Variants in TTC39A observed in about 807,000 individuals in gnomAD.
The protein encoded by TTC39A is tetratricopeptide repeat protein 39A.
A neutral mutation model predicts 82.3 loss-of-function variants in TTC39A; 46 were observed. The ratio of observed to expected loss-of-function variants is 0.56; its 90% CI spans 0.44 to 0.71. The LOEUF (loss-of-function observed/expected upper bound fraction) is 0.71. Ranked by LOEUF, TTC39A falls within the 30% of genes least tolerant of loss-of-function variation. The pLI is 0.00. For missense variants in TTC39A, 543 were observed against 712.9 expected, an observed-to-expected ratio of 0.76 and a Z score of 2.71; for synonymous variants, 254 against 275.2, an observed-to-expected ratio of 0.92 and a Z score of 0.76.
chr1:51,330,613 C>A (rs888496513), upstream of TTC39A: 1 of 982,944 alleles, frequency 1.0e-6, no homozygotes, highest in Non-Finnish European at 1.2e-6. This position sits in a 1 kb window ranked among gnomAD's most constrained non-coding sequence, Gnocchi z 4.5. Context: ...GCGGGGAAGG[C>A]GGCGGGGCCG....
chr1:51,337,758 A>C (rs2148320755), intron 1 of TTC39A, among the ~76,000 whole-genome samples: 1 of 152,088 alleles, frequency 6.6e-6, no homozygotes, highest in South Asian at 2.1e-4. Flanking sequence ...CCCTGCCTCC[A>C]TCCTCCCAGT....
intron 2 of TTC39A, among the ~76,000 whole-genome samples, chr1:51,320,549 A>T (rs1159095868): frequency 6.7e-6 from 1 of 150,012 alleles, no homozygotes; most frequent in Non-Finnish European, 1.5e-5. Context: ...TCAGCCTCCC[A>T]AGTAGCTGAG....
At chr1:51,342,506 G>A (rs143407438) in intron 1 of TTC39A, among the ~76,000 whole-genome samples, 1,817 of 152,268 alleles carry the variant, frequency 0.012, 147 homozygotes, top group Admixed American at 0.11. Flanking sequence ...GTAAGTAAGC[G>A]GCAGAGCAGG....
chr1:51,321,912 C>A lies in TTC39A; in HGVS notation c.42-87G>T. ...GGAACAGAGCCTCACAGGGTCTACT[C>A]AGCCTCCCTGGCCAGCCTTGGGTGC... On this transcript the variant is annotated intron_variant, in intron 1 of 17. Coordinates refer to ENST00000680483, the MANE Select transcript of TTC39A (RefSeq NM_001297663.2). The surrounding 1 kb of genome is among the most constrained non-coding windows in gnomAD (Gnocchi z 4.6). The A allele has an allele frequency of 7.1e-7, 1 of 1,417,782 alleles. No homozygotes were observed. The highest frequency in any genetic ancestry group is 2.5e-5 in the East Asian group (1 of 40,360). The allele number at this position is 1,417,782 out of a possible 1,614,324, so 87.8% of individuals were successfully genotyped here. A position where few individuals can be genotyped will look rare whatever the true frequency, so the allele number is the denominator to read the frequency against.
At chr1:51,322,974 C>T (rs1036189884) in intron 1 of TTC39A, among the ~76,000 whole-genome samples, 1 of 152,212 alleles carries the variant, frequency 6.6e-6, no homozygotes, top group Non-Finnish European at 1.5e-5. Flanking sequence ...GTTCATTCTC[C>T]CAATCTGTTC....
intron 1 of TTC39A, among the ~76,000 whole-genome samples, chr1:51,325,387 C>T (rs1482161441): frequency 6.6e-6 from 1 of 152,212 alleles, no homozygotes; most frequent in Non-Finnish European, 1.5e-5. Context: ...CCCTGCCCCT[C>T]TCTTCAGAGG....
At position 51,311,310 on chromosome 1, in the gene TTC39A, C is replaced by A. The variant is rs761954664; in HGVS notation, c.367G>T (p.Ala123Ser). 1 of 1,580,322 alleles carries A rather than the reference C, an allele frequency of 6.3e-7. No homozygotes were observed. ...LGQFTEEEIH[A>S]EVCYAECLLQ... is the part of the protein sequence containing the mutation. The stretch of plus-strand genomic sequence containing the variant: ...AGGCACTCTGCATAGCAGACCTCAG[C>A]GTGGATTTCCTCTGTGGGGAGAAAA... The change falls in exon 5 of 18, where the codon GCT becomes TCT. Residue 123 changes from alanine (A) to serine (S), a missense_variant. Physicochemically the swap from Ala to Ser is moderately conservative, Grantham distance 99 (BLOSUM62 1). Coordinates refer to ENST00000680483, the MANE Select transcript of TTC39A (RefSeq NM_001297663.2).
At position 51,329,110 on chromosome 1, in the gene TTC39A, G is replaced by A. The variant is rs74924195; in HGVS notation, c.41+1327C>T. ...GCCTGCAGCAGGGCCAGAGGTGCCC[G>A]GGGTTGTAGAGGGCACTTAGGCAGG... On this transcript the variant is annotated intron_variant, in intron 1 of 17. Transcript: ENST00000680483. Among the ~76,000 whole-genome samples the A allele has an allele frequency of 4.6e-3, 708 of 152,326 alleles. 11 individuals are homozygous for A. Among genetic ancestry groups the A allele is most frequent in the African/African-American group, 0.016 (676 of 41,582 alleles).
intron 1 of TTC39A, among the ~76,000 whole-genome samples, chr1:51,341,103 A>G (rs1400988895): frequency 6.6e-6 from 1 of 151,676 alleles, no homozygotes; most frequent in Non-Finnish European, 1.5e-5. Context: ...TGGAGGTTGC[A>G]GTGAGCCGAG....
intron 11 of TTC39A, chr1:51,302,103 C>A (rs773183345): frequency 1.2e-4 from 85 of 723,098 alleles, no homozygotes; most frequent in Non-Finnish European, 2.0e-4. Context: ...CTCCACCTCC[C>A]TCCACTGCAA....
rs1644422438 is a variant in TTC39A at position 51,296,287 on chromosome 1, C to T, written c.1054-117G>A. Reference sequence around the variant, plus strand: ...ACAGGAGCTCCCGTTGTCTCCAAGCCCCAGGGGAGAAATGAAGGTAAGAAG... The same window carrying T: ...ACAGGAGCTCCCGTTGTCTCCAAGCTCCAGGGGAGAAATGAAGGTAAGAAG... On this transcript the variant is annotated intron_variant, in intron 12 of 17. Coordinates refer to ENST00000680483, the MANE Select transcript of TTC39A (RefSeq NM_001297663.2). 1.7e-5 allele frequency: 16 copies of T among 960,466 alleles called. No homozygotes were observed. The South Asian group carries it at 2.1e-4, about 13-fold the overall frequency. The allele number at this position is 960,466 out of a possible 1,614,324, so 59.5% of individuals were successfully genotyped here.
At chr1:51,314,938 G>A (rs1171488660) in intron 2 of TTC39A, among the ~76,000 whole-genome samples, 5 of 152,280 alleles carry the variant, frequency 3.3e-5, no homozygotes, top group South Asian at 2.1e-4. Flanking sequence ...GAGTCCCTCC[G>A]TGTCCTGCGT....
At chr1:51,332,207 A>G (rs1184019372), upstream of TTC39A, among the ~76,000 whole-genome samples, 2 of 152,242 alleles carry the variant, frequency 1.3e-5, no homozygotes, top group African/African-American at 2.4e-5. Flanking sequence ...AGCATTCCTA[A>G]TTTGAAAATC....
Position 51,312,817 on chromosome 1 carries a change from A to G in TTC39A, c.273T>C (p.Cys91=). 2 of 1,613,530 alleles carry G rather than the reference A, an allele frequency of 1.2e-6. No homozygotes were observed. Among genetic ancestry groups the G allele is most frequent in the Non-Finnish European group, 8.5e-7 (1 of 1,179,614 alleles). ...CTGCCCCCAATGCCCCCAACCTCTG[A>G]CACAGCATCTGTGCCTCCTTCATCA... ...GNMMKEAQML[C]QRHRRKSSVT... Residue 91 remains cysteine, a synonymous_variant, in exon 3 of 18, where the codon TGT becomes TGC. Coordinates refer to ENST00000680483, the MANE Select transcript of TTC39A (RefSeq NM_001297663.2).
chr1:51,328,511 T>C (rs962258039), intron 1 of TTC39A, among the ~76,000 whole-genome samples: 1 of 152,146 alleles, frequency 6.6e-6, no homozygotes. Flanking sequence ...ACAGAAAACT[T>C]TGAAGAACAA....
chr1:51,321,684 T>C lies in TTC39A; in HGVS notation c.146+37A>G. 1.3e-6 allele frequency: 2 copies of C among 1,597,754 alleles called. No homozygotes were observed. The highest frequency in any genetic ancestry group is 1.7e-6 in the Non-Finnish European group (2 of 1,168,008). Reference sequence around the variant, plus strand: ...GACCTCTGGTTCTCCCTGACCGTCATGCACACCCCCTACCCCAACCGGGGC... The same window carrying C: ...GACCTCTGGTTCTCCCTGACCGTCACGCACACCCCCTACCCCAACCGGGGC... On this transcript the variant is annotated intron_variant, in intron 2 of 17. Transcript: ENST00000680483. This position sits in a 1 kb window ranked among gnomAD's most constrained non-coding sequence, Gnocchi z 4.6.
upstream of TTC39A, among the ~76,000 whole-genome samples, chr1:51,336,266 T>C (rs1645973068): frequency 6.6e-6 from 1 of 152,166 alleles, no homozygotes; most frequent in Non-Finnish European, 1.5e-5. Context: ...CAAGGGCCCC[T>C]AAGGAAGGAT....
rs554716481 is a variant in TTC39A at position 51,322,879 on chromosome 1, C to G, written c.42-1054G>C. 4.6e-5 allele frequency among the ~76,000 whole-genome samples: 7 copies of G among 152,262 alleles called. 1 individual carries two copies. The South Asian group carries it at 1.5e-3, about 32-fold the overall frequency. ...TAAACTCCTACATATACCTTAGGGC[C>G]CAGCTCTAAAGTCTCCCACTCTGAG... On this transcript the variant is annotated intron_variant, in intron 1 of 17. Transcript: ENST00000680483.
At chr1:51,317,687 T>C (rs1167872244) in intron 2 of TTC39A, among the ~76,000 whole-genome samples, 1 of 150,340 alleles carries the variant, frequency 6.7e-6, no homozygotes. Flanking sequence ...GAGGTGGAGG[T>C]TGCAGTGAGC....
Sources: gnomAD v4.1 joint callset for allele counts (sites outside exome capture counted in the v4.1 genomes callset) on GRCh38, gnomAD v4.1.1 for gene constraint, Gnocchi (gnomAD v3.1) non-coding constraint, MANE v1.5 for transcripts, NCBI Gene and HGNC (gene_info 2026-07-23, HGNC 2026-07-21) for gene names.